The following KIAA1958 variants were observed in gnomAD, a reference collection of about 807,000 sequenced individuals.
The protein encoded by KIAA1958 is uncharacterized protein KIAA1958.
In KIAA1958, 14 loss-of-function variants were observed where a neutral mutation model predicts 47.2. That is an observed-to-expected ratio of 0.30 (90% CI 0.20 to 0.46). The LOEUF (loss-of-function observed/expected upper bound fraction) is 0.46. KIAA1958 is among the 20% of genes least tolerant of loss of function. The pLI is 1.00. For missense variants in KIAA1958, 803 were observed against 909.2 expected (o/e 0.88, Z 1.50); for synonymous variants, 354 against 353.3 (o/e 1.00, Z -0.02).
chr9:112,564,440 A>G (rs1012682753), intron 1 of KIAA1958, among the ~76,000 whole-genome samples: 1 of 152,218 alleles, frequency 6.6e-6, no homozygotes, highest in Non-Finnish European at 1.5e-5. Flanking sequence ...AGAGACTACA[A>G]GGATTTTTGG....
At chr9:112,568,545 T>A (rs1362088976) in intron 1 of KIAA1958, among the ~76,000 whole-genome samples, 1 of 151,996 alleles carries the variant, frequency 6.6e-6, no homozygotes, top group Non-Finnish European at 1.5e-5. Flanking sequence ...ACCTCCAGTT[T>A]TGGAAATGAT....
At chr9:112,563,085 C>CTCTCTCTCTCTA (rs10655286) in intron 1 of KIAA1958, among the ~76,000 whole-genome samples, 83 of 131,558 alleles carry the variant, frequency 6.3e-4, no homozygotes, top group African/African-American at 1.4e-3. Flanking sequence ...CTCTCTCTCT[C>CTCTCTCTCTCTA]TATATATATA....
At chr9:112,603,931 A>C (rs1836179256) in intron 2 of KIAA1958, among the ~76,000 whole-genome samples, 1 of 152,220 alleles carries the variant, frequency 6.6e-6, no homozygotes, top group Non-Finnish European at 1.5e-5. Context: ...GAGAATTCAG[A>C]CATCATTTCT....
Position 112,618,925 on chromosome 9 carries a change from C to G in KIAA1958, c.1172-26725C>G, listed in dbSNP as rs1836451869. On this transcript the variant is annotated intron_variant, in intron 2 of 3. Transcript: ENST00000337530. This position sits in a 1 kb window ranked among gnomAD's most constrained non-coding sequence, Gnocchi z 7.1. ...CCTCAGACACCGCTTGACCAGGTGG[C>G]TTGAGCAAGACTCCAGTTTGGTTAC... 1.3e-6 allele frequency: 2 copies of G among 1,515,808 alleles called. No homozygotes were observed. Among genetic ancestry groups the G allele is most frequent in the Non-Finnish European group, 1.8e-6 (2 of 1,124,510 alleles). The allele number at this position is 1,515,808 out of a possible 1,614,324, so 93.9% of individuals were successfully genotyped here.
At chr9:112,502,284 T>C (rs1834155771) in intron 1 of KIAA1958, among the ~76,000 whole-genome samples, 1 of 152,258 alleles carries the variant, frequency 6.6e-6, no homozygotes, top group Admixed American at 6.5e-5. Flanking sequence ...AAGACATTAT[T>C]TATTCCTTGT....
intron 2 of KIAA1958, among the ~76,000 whole-genome samples, chr9:112,601,993 A>G (rs1181161999): frequency 6.6e-6 from 1 of 152,234 alleles, no homozygotes; most frequent in Non-Finnish European, 1.5e-5. Context: ...CAAGCATAAA[A>G]ATAATTTGCT....
chr9:112,590,669 C>T (rs1282712545), intron 2 of KIAA1958, among the ~76,000 whole-genome samples: 1 of 152,086 alleles, frequency 6.6e-6, no homozygotes, highest in Non-Finnish European at 1.5e-5. Flanking sequence ...ATTCTTTAAC[C>T]TCTTGCTAAC....
At chr9:112,610,908 T>G (rs1473713824) in intron 2 of KIAA1958, among the ~76,000 whole-genome samples, 2 of 152,194 alleles carry the variant, frequency 1.3e-5, no homozygotes, top group Non-Finnish European at 2.9e-5. Context: ...GCAAGTGGGA[T>G]TCATAACAGA....
intron 1 of KIAA1958, among the ~76,000 whole-genome samples, chr9:112,502,983 A>AC (rs778161044): frequency 3.3e-5 from 5 of 152,248 alleles, no homozygotes; most frequent in Admixed American, 6.5e-5. Context: ...ATGGGTATTC[A>AC]CCATGTGTTA....
intron 2 of KIAA1958, among the ~76,000 whole-genome samples, chr9:112,636,447 C>G (rs1836805808): frequency 6.6e-6 from 1 of 151,930 alleles, no homozygotes; most frequent in African/African-American, 2.4e-5. Context: ...TTGTTTTGCT[C>G]CCTGTTTTGT....
At chr9:112,573,674 AT>A (rs755844524) in intron 1 of KIAA1958, among the ~76,000 whole-genome samples, 7 of 152,194 alleles carry the variant, frequency 4.6e-5, no homozygotes, top group Non-Finnish European at 8.8e-5. Context: ...AATAGACACA[AT>A]TTTATTATTG....
chr9:112,640,499 C>T (rs1332433527), intron 2 of KIAA1958, among the ~76,000 whole-genome samples: 1 of 152,150 alleles, frequency 6.6e-6, no homozygotes, highest in Non-Finnish European at 1.5e-5. Flanking sequence ...TTTCATTCCT[C>T]CAGGATCTCG....
At chr9:112,634,828 T>C (rs1169053498) in intron 2 of KIAA1958, among the ~76,000 whole-genome samples, 3 of 152,234 alleles carry the variant, frequency 2.0e-5, no homozygotes, top group Non-Finnish European at 4.4e-5. Context: ...TCTTTTACTT[T>C]AGGGGTAGTG....
At chr9:112,616,373 TA>T (rs1377114139) in intron 2 of KIAA1958, among the ~76,000 whole-genome samples, 1 of 152,242 alleles carries the variant, frequency 6.6e-6, no homozygotes, top group African/African-American at 2.4e-5. Context: ...ATTGTCATTT[TA>T]AAATAGCATG....
At chr9:112,551,032 AGTT>A (rs1214869510) in intron 1 of KIAA1958, among the ~76,000 whole-genome samples, 1 of 146,766 alleles carries the variant, frequency 6.8e-6, no homozygotes, top group Non-Finnish European at 1.5e-5. Context: ...TTTACTGCAT[AGTT>A]GTTTTTTTTT....
chr9:112,659,645 C>A lies in KIAA1958; in HGVS notation c.1727C>A (p.Ala576Glu). Residue 576 changes from alanine (A) to glutamate (E), a missense_variant, in exon 4 of 4, where the codon GCG becomes GAG. Ala to Glu is a moderately radical substitution (Grantham distance 107). Coordinates refer to ENST00000337530, the MANE Select transcript of KIAA1958 (RefSeq NM_133465.4). ...YLNMRTLQEHADLMYGDIELL... is the reference protein window; with the variant it reads ...YLNMRTLQEHEDLMYGDIELL... ...AACATGCGGACGCTGCAGGAGCATG[C>A]GGATCTGATGTATGGTGACATCGAG... The A allele has an allele frequency of 2.5e-6, 4 of 1,614,126 alleles. No individual in the cohort carries two copies. The highest frequency in any genetic ancestry group is 2.5e-6 in the Non-Finnish European group (3 of 1,180,028).
At chr9:112,572,228 A>G (rs1175702303) in intron 1 of KIAA1958, among the ~76,000 whole-genome samples, 2 of 152,194 alleles carry the variant, frequency 1.3e-5, no homozygotes, top group East Asian at 1.9e-4. Flanking sequence ...AATGATTACA[A>G]TAAAAGTGAT....
At chr9:112,645,237 T>C (rs1448168245) in intron 2 of KIAA1958, among the ~76,000 whole-genome samples, 9 of 152,228 alleles carry the variant, frequency 5.9e-5, no homozygotes, top group Non-Finnish European at 1.0e-4. Context: ...TAGGTCTTCA[T>C]GTGCTAAGGG....
chr9:112,593,615 A>G (rs576148761), intron 2 of KIAA1958, among the ~76,000 whole-genome samples: 12 of 152,114 alleles, frequency 7.9e-5, no homozygotes, highest in African/African-American at 2.2e-4. Flanking sequence ...GTCTTCCTCT[A>G]TCACCCAGGC....
Sources: allele counts gnomAD v4.1 joint callset (sites outside exome capture counted in the v4.1 genomes callset), GRCh38; gene constraint gnomAD v4.1.1; non-coding constraint Gnocchi (gnomAD v3.1); transcripts MANE v1.5; gene names NCBI Gene and HGNC (gene_info 2026-07-23, HGNC 2026-07-21).